Variants in ZSCAN5A observed in about 807,000 individuals in gnomAD.
The protein encoded by ZSCAN5A is zinc finger and SCAN domain-containing protein 5A.
Under a neutral mutation model 23.7 loss-of-function variants are expected in ZSCAN5A, and 12 were observed. That is an observed-to-expected ratio of 0.51 (90% CI 0.32 to 0.82). The LOEUF is 0.82. Among genes scored for constraint, ZSCAN5A ranks in the 40% least tolerant of loss-of-function variants. ZSCAN5A has a pLI of 0.03. For synonymous variants in ZSCAN5A, 257 were observed against 239.9 expected (o/e 1.07, Z -0.66); for missense variants, 597 against 617.9 (o/e 0.97, Z 0.36).
At chr19:56,320,512 T>G (rs2041363917) in intron 2 of ZSCAN5A, 1 of 410,670 alleles carries the variant, frequency 2.4e-6, no homozygotes, top group African/African-American at 2.0e-5. Context: ...CTCGGGAGGA[T>G]GAGGCAGGAG....
intron 2 of ZSCAN5A, chr19:56,343,490 C>T: frequency 2.3e-6 from 1 of 433,180 alleles, no homozygotes; most frequent in South Asian, 1.7e-5. Context: ...CAGCAAATAG[C>T]CCAATTCTAC....
At chr19:56,299,308 T>A (rs1010983504) in intron 2 of ZSCAN5A, among the ~76,000 whole-genome samples, 3 of 152,040 alleles carry the variant, frequency 2.0e-5, no homozygotes, top group African/African-American at 7.2e-5. Context: ...ATTTATTAAA[T>A]TTTTTGTAGA....
At chr19:56,357,416 T>G (rs1437059083) in intron 2 of ZSCAN5A, among the ~76,000 whole-genome samples, 1 of 148,072 alleles carries the variant, frequency 6.8e-6, no homozygotes, top group Non-Finnish European at 1.5e-5. Context: ...ATGCATACAA[T>G]GTATACCAAT....
At chr19:56,358,649 T>G (rs1289102755) in intron 2 of ZSCAN5A, among the ~76,000 whole-genome samples, 1 of 152,238 alleles carries the variant, frequency 6.6e-6, no homozygotes, top group Non-Finnish European at 1.5e-5. Context: ...CACATGGCAC[T>G]TACTCTAAAA....
chr19:56,274,179 C>T lies in ZSCAN5A; in HGVS notation c.-128+39104G>A, dbSNP rs143426044. Among the ~76,000 whole-genome samples, 62 of 152,110 alleles carry T rather than the reference C, an allele frequency of 4.1e-4. No homozygotes were observed. The East Asian group carries it at 0.011, about 28-fold the overall frequency. On this transcript the variant is annotated intron_variant, in intron 2 of 5. Coordinates refer to ENST00000683990, the MANE Select transcript of ZSCAN5A (RefSeq NM_001322064.3). ...ATGAGAAAACTCTGTAGAGGTCGGG[C>T]GCGGTGGCTCACACCTGTAATCCCA... is the stretch of plus-strand genomic sequence containing the variant.
intron 2 of ZSCAN5A, among the ~76,000 whole-genome samples, chr19:56,312,892 G>A (rs964340139): frequency 6.6e-6 from 1 of 152,226 alleles, no homozygotes; most frequent in African/African-American, 2.4e-5. Flanking sequence ...AATTAAAGAT[G>A]GTGTTTCCAC....
At chr19:56,348,555 TGAGCTAATAGCTCTTACAA>T (rs1490060780) in intron 2 of ZSCAN5A, among the ~76,000 whole-genome samples, 1 of 152,204 alleles carries the variant, frequency 6.6e-6, no homozygotes, top group Non-Finnish European at 1.5e-5. Flanking sequence ...CTCAATTAGC[TGAGCTAATAGCTCTTACAA>T]GAGCACCTAA....
chr19:56,364,486 G>A (rs1290021835), intron 1 of ZSCAN5A, among the ~76,000 whole-genome samples: 2 of 152,166 alleles, frequency 1.3e-5, no homozygotes, highest in Non-Finnish European at 2.9e-5. Context: ...TGGAATGACT[G>A]GAATTATCAT....
intron 2 of ZSCAN5A, among the ~76,000 whole-genome samples, chr19:56,311,263 T>C (rs2041018869): frequency 6.6e-6 from 1 of 152,232 alleles, no homozygotes; most frequent in South Asian, 2.1e-4. Context: ...CAACTTGACA[T>C]ATTTTTTGTT....
intron 2 of ZSCAN5A, chr19:56,246,455 C>T: frequency 1.7e-6 from 1 of 585,768 alleles, no homozygotes; most frequent in Non-Finnish European, 3.1e-6. Context: ...CCTCAGCTTC[C>T]AAACGGTCCT....
chr19:56,299,877 C>T (rs1188600243), intron 2 of ZSCAN5A: 1 of 152,180 alleles, frequency 6.6e-6, no homozygotes, highest in African/African-American at 2.4e-5. Flanking sequence ...AACATGTTCC[C>T]TCTGAGATCA....
chr19:56,343,110 G>T, intron 2 of ZSCAN5A: 1 of 756,376 alleles, frequency 1.3e-6, no homozygotes, highest in Non-Finnish European at 2.4e-6. Flanking sequence ...CCTATCCAAT[G>T]ATCCACAATT....
chr19:56,287,499 G>A (rs1193924781), intron 2 of ZSCAN5A, among the ~76,000 whole-genome samples: 1 of 151,738 alleles, frequency 6.6e-6, no homozygotes, highest in Non-Finnish European at 1.5e-5. Context: ...ATCCCCCCAA[G>A]TCCACCTAAC....
At chr19:56,349,121 G>GTT in intron 2 of ZSCAN5A, among the ~76,000 whole-genome samples, 1 of 152,126 alleles carries the variant, frequency 6.6e-6, no homozygotes, top group South Asian at 2.1e-4. Context: ...TTTCAGGCAG[G>GTT]AAACCTCTAA....
chr19:56,247,879 G>C (rs1161973451), intron 2 of ZSCAN5A, among the ~76,000 whole-genome samples: 1 of 151,886 alleles, frequency 6.6e-6, no homozygotes, highest in Non-Finnish European at 1.5e-5. Flanking sequence ...TTTTAGTAGA[G>C]ACGTGGTTTC....
intron 2 of ZSCAN5A, among the ~76,000 whole-genome samples, chr19:56,279,407 G>A (rs116074675): frequency 2.9e-4 from 44 of 152,256 alleles, no homozygotes; most frequent in African/African-American, 1.0e-3. Context: ...CTAAATAAAT[G>A]GAAAGAGCCT....
upstream of ZSCAN5A, chr19:56,316,507 AT>A (rs757388963): frequency 5.4e-4 from 82 of 151,280 alleles, no homozygotes; most frequent in South Asian, 1.5e-3. Flanking sequence ...GGATTAGCAT[AT>A]TTTTTTTTTC....
chr19:56,311,691 C>A (rs1026302398), intron 2 of ZSCAN5A, among the ~76,000 whole-genome samples: 2 of 152,100 alleles, frequency 1.3e-5, no homozygotes, highest in African/African-American at 4.8e-5. Flanking sequence ...TTAAGTTCCA[C>A]GATACATGTG....
At chr19:56,231,208 TTC>T (rs561451383) in intron 2 of ZSCAN5A, among the ~76,000 whole-genome samples, 4 of 152,062 alleles carry the variant, frequency 2.6e-5, no homozygotes, top group African/African-American at 9.6e-5. Context: ...GCCAGACCCT[TTC>T]TCAAAAAATA....
Sources: allele counts gnomAD v4.1 joint callset (sites outside exome capture counted in the v4.1 genomes callset), GRCh38; gene constraint gnomAD v4.1.1; transcripts MANE v1.5; gene names NCBI Gene and HGNC (gene_info 2026-07-23, HGNC 2026-07-21).